Variants in MACROD2 observed in about 807,000 individuals in gnomAD.
MACROD2 encodes mono-ADP ribosylhydrolase 2.
Under a neutral mutation model 70.4 loss-of-function variants are expected in MACROD2, and 36 were observed. That is an observed-to-expected ratio of 0.51 (90% CI 0.39 to 0.68). The LOEUF is 0.68. Ranked by LOEUF, MACROD2 falls within the 30% of genes least tolerant of loss-of-function variation. MACROD2 has a pLI of 0.00. For synonymous variants in MACROD2, 172 were observed against 178.8 expected, an observed-to-expected ratio of 0.96 and a Z score of 0.30; for missense variants, 496 against 538.4, an observed-to-expected ratio of 0.92 and a Z score of 0.78.
intron 2 of MACROD2, chr20:14,053,818 CTT>C (rs1476083936): frequency 6.6e-6 from 1 of 152,022 alleles, no homozygotes. Flanking sequence ...ATGATTTTCT[CTT>C]TTCCTTGAGA....
At chr20:15,065,496 A>G (rs992672522) in intron 5 of MACROD2, among the ~76,000 whole-genome samples, 31 of 152,086 alleles carry the variant, frequency 2.0e-4, no homozygotes, top group Non-Finnish European at 3.4e-4. Context: ...TCTACTAAAA[A>G]TACAAAAAAT....
At chr20:14,784,647 A>T (rs2072342161) in intron 5 of MACROD2, among the ~76,000 whole-genome samples, 1 of 113,632 alleles carries the variant, frequency 8.8e-6, no homozygotes, top group Admixed American at 1.0e-4. Flanking sequence ...AAATTAGGTC[A>T]GAAAAGGATG....
intron 7 of MACROD2, among the ~76,000 whole-genome samples, chr20:15,437,467 A>T (rs76741067): frequency 0.044 from 6,629 of 152,252 alleles, 187 homozygotes; most frequent in Middle Eastern, 0.082. Flanking sequence ...CCAAACAGAA[A>T]CATGCCAAGC....
At chr20:14,710,359 C>A (rs1433265441) in intron 5 of MACROD2, among the ~76,000 whole-genome samples, 4 of 152,168 alleles carry the variant, frequency 2.6e-5, no homozygotes, top group African/African-American at 9.6e-5. Flanking sequence ...TTGAATAAGA[C>A]CCTTTAAATG....
At chr20:15,818,928 A>G (rs567566054) in intron 8 of MACROD2, among the ~76,000 whole-genome samples, 2 of 152,174 alleles carry the variant, frequency 1.3e-5, no homozygotes, top group South Asian at 4.2e-4. Flanking sequence ...CCAGTTCAGC[A>G]AATATTTGCT....
At chr20:15,270,361 GC>G in intron 6 of MACROD2, among the ~76,000 whole-genome samples, 2 of 152,208 alleles carry the variant, frequency 1.3e-5, no homozygotes, top group South Asian at 4.2e-4. Context: ...AATGAAAGAA[GC>G]CCGTCTCATA....
chr20:15,043,289 A>G (rs969964), intron 5 of MACROD2, among the ~76,000 whole-genome samples: 21,589 of 152,276 alleles, frequency 0.14, 1,664 homozygotes, highest in Non-Finnish European at 0.16. Flanking sequence ...AAAATGGGAA[A>G]TACTGTAACT....
intron 5 of MACROD2, among the ~76,000 whole-genome samples, chr20:15,043,363 T>C (rs1322462922): frequency 6.6e-6 from 1 of 152,230 alleles, no homozygotes; most frequent in African/African-American, 2.4e-5. Flanking sequence ...CATAGGGCAT[T>C]GCTGTGCCTT....
In MACROD2 at chr20:14,889,058, C is replaced by G. The variant is rs146562278; in HGVS notation, c.418+204099C>G. On this transcript the variant is annotated intron_variant, in intron 5 of 17. Transcript: ENST00000684519. ...GTAAACTGTGGTGGCTTTACATCATCTTATACTATGGATTTTTTTCCATAT... is the reference window on the plus strand; with the variant it reads ...GTAAACTGTGGTGGCTTTACATCATGTTATACTATGGATTTTTTTCCATAT... Among the ~76,000 whole-genome samples, 4 of 152,218 alleles carry G rather than the reference C, an allele frequency of 2.6e-5. No homozygotes were observed. The East Asian group carries it at 7.7e-4, about 29-fold the overall frequency.
chr20:14,963,460 T>A (rs1297089705), intron 5 of MACROD2, among the ~76,000 whole-genome samples: 4 of 152,144 alleles, frequency 2.6e-5, no homozygotes, highest in African/African-American at 9.7e-5. Context: ...AGTCCCGACC[T>A]CCATGGCAAT....
intron 5 of MACROD2, among the ~76,000 whole-genome samples, chr20:14,983,894 G>A (rs1262105237): frequency 6.6e-6 from 1 of 152,154 alleles, no homozygotes; most frequent in Non-Finnish European, 1.5e-5. Context: ...CTTTGTTCGG[G>A]AAATATGACT....
At chr20:14,213,659 T>C (rs2081590005) in intron 3 of MACROD2, among the ~76,000 whole-genome samples, 1 of 152,200 alleles carries the variant, frequency 6.6e-6, no homozygotes, top group East Asian at 1.9e-4. Flanking sequence ...TTTTATTTGT[T>C]AAAATTAGTA....
At chr20:16,034,493 TATGGAATA>T (rs2067196891) in intron 15 of MACROD2, among the ~76,000 whole-genome samples, 1 of 151,998 alleles carries the variant, frequency 6.6e-6, no homozygotes, top group Admixed American at 6.6e-5. Flanking sequence ...TGTCTGTGCA[TATGGAATA>T]ATAGCCTTCT....
intron 8 of MACROD2, among the ~76,000 whole-genome samples, chr20:15,831,452 G>T (rs1264380370): frequency 6.6e-6 from 1 of 152,204 alleles, no homozygotes; most frequent in Non-Finnish European, 1.5e-5. Flanking sequence ...GCTTGCATGT[G>T]TCTCCCTGGC....
chr20:15,871,572 A>G (rs531529444), intron 9 of MACROD2, among the ~76,000 whole-genome samples: 8 of 152,320 alleles, frequency 5.3e-5, no homozygotes, highest in African/African-American at 1.7e-4. Context: ...TATAACATTG[A>G]TACAGTCATA....
At chr20:14,475,749 G>T (rs925162056) in intron 3 of MACROD2, among the ~76,000 whole-genome samples, 10 of 152,140 alleles carry the variant, frequency 6.6e-5, no homozygotes, top group African/African-American at 2.4e-4. Flanking sequence ...CTCTTGAGGA[G>T]TCTGCTGCCA....
intron 4 of MACROD2, among the ~76,000 whole-genome samples, chr20:14,543,625 A>G (rs534711096): frequency 6.6e-6 from 1 of 152,304 alleles, no homozygotes; most frequent in East Asian, 1.9e-4. Context: ...AGGTTGTAGA[A>G]CTATTAAAAG....
chr20:15,023,415 A>T (rs1042539257), intron 5 of MACROD2, among the ~76,000 whole-genome samples: 2 of 152,188 alleles, frequency 1.3e-5, no homozygotes, highest in African/African-American at 4.8e-5. Context: ...ATGTCTTCCC[A>T]GAGAGGGCAT....
chr20:15,386,668 A>T (rs181734068), intron 6 of MACROD2, among the ~76,000 whole-genome samples: 1 of 152,278 alleles, frequency 6.6e-6, no homozygotes, highest in Admixed American at 6.5e-5. Context: ...TTGTGTCTTG[A>T]TCATTGAAAT....
Sources: allele counts gnomAD v4.1 joint callset (sites outside exome capture counted in the v4.1 genomes callset), GRCh38; gene constraint gnomAD v4.1.1; transcripts MANE v1.5; gene names NCBI Gene and HGNC (gene_info 2026-07-23, HGNC 2026-07-21).